The following ROS1 variants were observed in gnomAD, a reference collection of about 807,000 sequenced individuals.
The protein encoded by ROS1 is ROS proto-oncogene 1, receptor tyrosine kinase, also known as proto-oncogene tyrosine-protein kinase ROS.
In ROS1, 263 loss-of-function variants were observed where a neutral mutation model predicts 273.5. That is an observed-to-expected ratio of 0.96 (90% CI 0.87 to 1.06). The LOEUF (loss-of-function observed/expected upper bound fraction) is 1.06. ROS1 is among the 50% of genes least tolerant of loss of function. ROS1 has a pLI of 0.00. For missense variants in ROS1, 2,833 were observed against 2,751.1 expected (o/e 1.03, Z -0.67); for synonymous variants, 1,008 against 954.1 (o/e 1.06, Z -1.04).
At chr6:117,326,004 T>C (rs941546729) in intron 34 of ROS1, among the ~76,000 whole-genome samples, 2 of 150,574 alleles carry the variant, frequency 1.3e-5, no homozygotes, top group African/African-American at 2.4e-5. Flanking sequence ...CTGATTATTA[T>C]TGGGGAGAAA....
chr6:117,390,836 C>T lies in ROS1; in HGVS notation c.1290-990G>A, dbSNP rs111462917. 7.5e-3 allele frequency among the ~76,000 whole-genome samples: 1,142 copies of T among 152,064 alleles called. 11 individuals are homozygous for T. The highest frequency in any genetic ancestry group is 0.026 in the African/African-American group (1,065 of 41,446). On this transcript the variant is annotated intron_variant, in intron 12 of 43. Coordinates refer to ENST00000368507, the MANE Select transcript of ROS1 (RefSeq NM_001378902.1). ...AATTTAAAGTCAAACCTCACAGTAACGAGGCAGGTTATTTTAATAATGAAA... is the reference window on the plus strand; with the variant it reads ...AATTTAAAGTCAAACCTCACAGTAATGAGGCAGGTTATTTTAATAATGAAA...
At chr6:117,374,737 A>G (rs1294479428) in intron 18 of ROS1, among the ~76,000 whole-genome samples, 1 of 152,248 alleles carries the variant, frequency 6.6e-6, no homozygotes, top group Non-Finnish European at 1.5e-5. Context: ...ACAAAGGACT[A>G]ATATCCAGAA....
At position 117,334,367 on chromosome 6, in the gene ROS1, C is replaced by T. The variant is rs547974053; in HGVS notation, c.5230+2805G>A. The stretch of plus-strand genomic sequence containing the variant: ...GAAAGGACACAAATAAATGGAAAAA[C>T]ATTCCATCCCCATGGACAGGAATAA... On this transcript the variant is annotated intron_variant, in intron 32 of 43. Coordinates refer to ENST00000368507, the MANE Select transcript of ROS1 (RefSeq NM_001378902.1). Among the ~76,000 whole-genome samples the T allele has an allele frequency of 2.6e-5, 4 of 152,258 alleles. No homozygotes were observed. The East Asian group carries it at 7.7e-4, about 29-fold the overall frequency.
intron 43 of ROS1, among the ~76,000 whole-genome samples, chr6:117,289,510 A>C (rs1290404907): frequency 6.6e-6 from 1 of 152,190 alleles, no homozygotes; most frequent in African/African-American, 2.4e-5. Context: ...GGATCTACCT[A>C]TTTATTAAGT....
At position 117,397,011 on chromosome 6, in the gene ROS1, T is replaced by A; in HGVS notation, c.710A>T (p.Tyr237Phe). Residue 237 changes from tyrosine (Y) to phenylalanine (F), a missense_variant, in exon 8 of 44, where the codon TAT becomes TTT. By Grantham distance (22) the Tyr-to-Phe change is conservative. Coordinates refer to ENST00000368507, the MANE Select transcript of ROS1 (RefSeq NM_001378902.1). ...PQFPGGPILG[Y>F]NLRLISKNQK... ...ATTTTTGCTGATCAGCCTTAAGTTA[T>A]AACCCAAAATAGGTCCACCTGGGAA... is the stretch of plus-strand genomic sequence containing the variant. The A allele has an allele frequency of 6.2e-7, 1 of 1,613,968 alleles. No individual in the cohort carries two copies. Among genetic ancestry groups the A allele is most frequent in the Non-Finnish European group, 8.5e-7 (1 of 1,179,818 alleles).
intron 18 of ROS1, among the ~76,000 whole-genome samples, chr6:117,367,359 A>C (rs939668009): frequency 2.6e-5 from 4 of 152,346 alleles, no homozygotes; most frequent in African/African-American, 9.6e-5. Context: ...CAGGAATGAC[A>C]GCTCTTAAAT....
intron 32 of ROS1, among the ~76,000 whole-genome samples, chr6:117,336,092 CAAAA>C (rs1777439813): frequency 6.6e-6 from 1 of 151,970 alleles, no homozygotes; most frequent in South Asian, 2.1e-4. Flanking sequence ...CAACTTGAAA[CAAAA>C]TAAGTGATAA....
At chr6:117,324,002 A>G (rs528693405) in intron 35 of ROS1, among the ~76,000 whole-genome samples, 12 of 152,300 alleles carry the variant, frequency 7.9e-5, no homozygotes, top group African/African-American at 2.9e-4. Context: ...TTTATTTTAA[A>G]CCATAAGCCA....
chr6:117,389,756 C>A lies in ROS1; in HGVS notation c.1380G>T (p.Glu460Asp). Residue 460 changes from glutamate (E) to aspartate (D), a missense_variant, in exon 13 of 44, where the codon GAG becomes GAT. By Grantham distance (45) the Glu-to-Asp change is conservative (BLOSUM62 2). Transcript: ENST00000368507. ...GRCAEAVRIV[E>D]SCTLKDFAIK... ...TTGCAAAGTCCTTTAACGTGCAACT[C>A]TCCACAATACGCACAGCTTCTGCAC... 1 of 1,614,146 alleles carries A rather than the reference C, an allele frequency of 6.2e-7. No homozygotes were observed. Among genetic ancestry groups the A allele is most frequent in the African/African-American group, 1.3e-5 (1 of 75,028 alleles).
chr6:117,384,106 T>C (rs1260440883), intron 16 of ROS1, among the ~76,000 whole-genome samples: 1 of 152,192 alleles, frequency 6.6e-6, no homozygotes, highest in East Asian at 1.9e-4. Context: ...TACTTAAAAC[T>C]GGTTTTTATG....
chr6:117,402,890 A>G (rs1363121191), intron 7 of ROS1, among the ~76,000 whole-genome samples: 1 of 27,490 alleles, frequency 3.6e-5, no homozygotes, highest in Non-Finnish European at 5.9e-5. Flanking sequence ...TCTGTCTCCA[A>G]AAAAAAAAAA....
Position 117,425,586 on chromosome 6 carries a change from A to T in ROS1, c.71T>A (p.Val24Glu), listed in dbSNP as rs1251827246. ...GCTATTTAAAACTGTACACTGCACC[A>T]CAGAAATCCATAGGCAGCCAAGAGT... The part of the protein sequence containing the change: ...FATLGCLWIS[V>E]VQCTVLNSCL... The change falls in exon 1 of 44, where the codon GTG (valine) becomes GAG (glutamate). Residue 24 changes from valine (V) to glutamate (E), a missense_variant. Transcript: ENST00000368507. 8 of 1,612,586 alleles carry T rather than the reference A, an allele frequency of 5.0e-6. No homozygotes were observed. The highest frequency in any genetic ancestry group is 6.8e-6 in the Non-Finnish European group (8 of 1,179,536).
chr6:117,371,861 C>A (rs1409465707), intron 18 of ROS1, among the ~76,000 whole-genome samples: 1 of 151,934 alleles, frequency 6.6e-6, no homozygotes, highest in African/African-American at 2.4e-5. Context: ...GGGAACATAA[C>A]TCCATCAGCC....
rs549352012 is a variant in ROS1 at position 117,368,567 on chromosome 6, G to A, written c.2583-2277C>T. On this transcript the variant is annotated intron_variant, in intron 18 of 43. Transcript: ENST00000368507. ...AGTGCAGCAGCAACTAGCTACATGT[G>A]ACTACGGAGCCCTTGAAATGTGGTT... Among the ~76,000 whole-genome samples the A allele has an allele frequency of 6.6e-5, 10 of 152,268 alleles. No homozygotes were observed. In the South Asian group the frequency reaches 2.1e-3, roughly 32 times the overall value.
rs781537280 is a variant in ROS1 at position 117,425,698 on chromosome 6, T to C, written c.-42A>G. On this transcript the variant is annotated 5_prime_UTR_variant, in exon 1 of 44. Transcript: ENST00000368507. ...GATTTTTAGATGGCCGGTCTAATTTTCTCCATTTTGCTATATGAATTATTT... is the reference window on the plus strand; with the variant it reads ...GATTTTTAGATGGCCGGTCTAATTTCCTCCATTTTGCTATATGAATTATTT... The C allele has an allele frequency of 1.2e-5, 20 of 1,604,794 alleles. No individual in the cohort carries two copies. The highest frequency in any genetic ancestry group is 3.3e-4 in the Middle Eastern group (2 of 6,034).
At chr6:117,383,270 T>C in intron 17 of ROS1, 47 bp downstream of exon 17, 4 of 1,365,036 alleles carry the variant, frequency 2.9e-6, no homozygotes, top group South Asian at 1.2e-5. Flanking sequence ...ATCATAAATA[T>C]AGAGCTATTC....
rs138046988 is a variant in ROS1, at chr6:117,373,331, G to A, written c.2582+5728C>T. Among the ~76,000 whole-genome samples, 184 of 152,358 alleles carry A rather than the reference G, an allele frequency of 1.2e-3. 4 individuals are homozygous for A. In the East Asian group the frequency reaches 0.023, roughly 19 times the overall value. ...GGCGGTCAATGGGATCGGGCGCCACGGAGCAGGGGGCGGCACCCATCAGGG... is the reference window on the plus strand; with the variant it reads ...GGCGGTCAATGGGATCGGGCGCCACAGAGCAGGGGGCGGCACCCATCAGGG... On this transcript the variant is annotated intron_variant, in intron 18 of 43. Transcript: ENST00000368507.
intron 4 of ROS1, among the ~76,000 whole-genome samples, chr6:117,413,065 G>C (rs990020314): frequency 1.1e-4 from 16 of 151,994 alleles, no homozygotes; most frequent in Non-Finnish European, 2.1e-4. Context: ...CCATTCCCAA[G>C]AAAAATTGCT....
In ROS1 at chr6:117,418,476, T is replaced by C; in HGVS notation, c.154A>G (p.Asn52Asp). 4 of 1,598,990 alleles carry C rather than the reference T, an allele frequency of 2.5e-6. No homozygotes were observed. The highest frequency in any genetic ancestry group is 3.4e-6 in the Non-Finnish European group (4 of 1,174,750). Reference protein sequence around the residue: ...GQQLDLGTPHNLSEPCIQGCH... With the variant: ...GQQLDLGTPHDLSEPCIQGCH... ...AAATTACTTACCGGTTCACTCAGAT[T>C]ATGTGGTGTGCCAAGGTCAAGCTGC... The change falls in exon 2 of 44, where the codon AAT (asparagine) becomes GAT (aspartate). Residue 52 changes from asparagine to aspartate, a missense_variant. Asn to Asp is a conservative substitution (Grantham distance 23). Transcript: ENST00000368507.
Sources: allele counts gnomAD v4.1 joint callset (sites outside exome capture counted in the v4.1 genomes callset), GRCh38; gene constraint gnomAD v4.1.1; transcripts MANE v1.5; gene names NCBI Gene and HGNC (gene_info 2026-07-23, HGNC 2026-07-21).